Variants in CDH11 observed in about 807,000 individuals in gnomAD.
CDH11 encodes the protein cadherin 11, also known as cadherin-11.
CDH11 carries 11 observed loss-of-function variants against 67.8 expected under a neutral mutation model. That is an observed-to-expected ratio of 0.16 (90% CI 0.10 to 0.27). The LOEUF (loss-of-function observed/expected upper bound fraction) is 0.27, where lower values mean the gene tolerates loss of function less well. Ranked by LOEUF, CDH11 falls within the 10% of genes least tolerant of loss-of-function variation. The pLI, the probability that CDH11 is intolerant of heterozygous loss-of-function variation, is 1.00. For synonymous variants in CDH11, 419 were observed against 400.0 expected, an observed-to-expected ratio of 1.05 and a Z score of -0.57; for missense variants, 847 against 1,031.2, an observed-to-expected ratio of 0.82 and a Z score of 2.45.
At position 64,998,797 on chromosome 16, in the gene CDH11, T is replaced by C; in HGVS notation, c.288A>G (p.Gly96=). The part of the protein sequence containing the change: ...GNIKYILSGE[G]AGTIFVIDDK... ...CATCAATCACAAAAATGGTTCCAGC[T>C]CCTTCCCCTGAGAGAATGTATTTAA... Residue 96 remains glycine, a synonymous_variant, in exon 4 of 13, where the codon GGA becomes GGG. Coordinates refer to ENST00000268603, the MANE Select transcript of CDH11 (RefSeq NM_001797.4). 5.6e-6 allele frequency: 9 copies of C among 1,614,112 alleles called. No individual in the cohort carries two copies. The highest frequency in any genetic ancestry group is 7.6e-6 in the Non-Finnish European group (9 of 1,179,982).
At chr16:65,106,122 A>T (rs1224871937) in intron 1 of CDH11, among the ~76,000 whole-genome samples, 1 of 152,206 alleles carries the variant, frequency 6.6e-6, no homozygotes, top group Non-Finnish European at 1.5e-5. Context: ...CTCTGGGTCA[A>T]GTCAGTGTGA....
At position 64,943,877 on chromosome 16, in the gene CDH11, T is replaced by C. The variant is rs182763322; in HGVS notation, c.*3726A>G. On this transcript the variant is annotated 3_prime_UTR_variant, in exon 13 of 13. Transcript: ENST00000268603. ...TGCCCTCATGGAGCTTACATTCTAGTGGGGCAGTCAGTCCCACCCACCCAC... is the reference window on the plus strand; with the variant it reads ...TGCCCTCATGGAGCTTACATTCTAGCGGGGCAGTCAGTCCCACCCACCCAC... 3 of 228,722 alleles carry C rather than the reference T, an allele frequency of 1.3e-5. No homozygotes were observed. Among genetic ancestry groups the C allele is most frequent in the African/African-American group, 6.6e-5 (3 of 45,198 alleles). 14.2% of individuals were successfully genotyped at this position (228,722 alleles called of 1,614,324 possible).
chr16:65,061,672 G>A (rs2074237508), intron 1 of CDH11, among the ~76,000 whole-genome samples: 1 of 152,188 alleles, frequency 6.6e-6, no homozygotes, highest in Non-Finnish European at 1.5e-5. Context: ...GCCAAATGAA[G>A]CATTTAATCA....
intron 1 of CDH11, among the ~76,000 whole-genome samples, chr16:65,097,273 G>T (rs1012210022): frequency 6.6e-6 from 1 of 152,202 alleles, no homozygotes; most frequent in African/African-American, 2.4e-5. Context: ...TTCCCAACTG[G>T]GTCATGCTGG....
At chr16:64,984,946 T>C (rs1567508946) in intron 7 of CDH11, 1 of 152,140 alleles carries the variant, frequency 6.6e-6, no homozygotes, top group African/African-American at 2.4e-5. Context: ...ACAGGGAATA[T>C]TAAAAATGCC....
intron 3 of CDH11, among the ~76,000 whole-genome samples, chr16:65,002,914 T>C (rs1215878912): frequency 6.6e-6 from 1 of 151,804 alleles, no homozygotes; most frequent in Non-Finnish European, 1.5e-5. Context: ...TATTCTATTA[T>C]TCATTTTCTT....
chr16:64,983,446 A>G (rs2072407336), intron 7 of CDH11, among the ~76,000 whole-genome samples: 2 of 152,180 alleles, frequency 1.3e-5, no homozygotes, highest in Non-Finnish European at 1.5e-5. Flanking sequence ...AAAGAGTTTC[A>G]TCTTTTAAGG....
chr16:65,033,395 A>C (rs1256590402), intron 2 of CDH11, among the ~76,000 whole-genome samples: 1 of 152,198 alleles, frequency 6.6e-6, no homozygotes, highest in Non-Finnish European at 1.5e-5. Flanking sequence ...AGAATGATGA[A>C]GCTACATTCA....
intron 2 of CDH11, among the ~76,000 whole-genome samples, chr16:65,015,684 G>A (rs932979246): frequency 1.3e-4 from 20 of 152,138 alleles, no homozygotes; most frequent in African/African-American, 1.9e-4. Flanking sequence ...TTAAAGATTT[G>A]CAGTGGAGAA....
chr16:65,120,116 G>C (rs1334654785), intron 1 of CDH11, among the ~76,000 whole-genome samples: 1 of 152,150 alleles, frequency 6.6e-6, no homozygotes, highest in Non-Finnish European at 1.5e-5. Context: ...TGCAGCTAGG[G>C]TTGGGCAGTT....
intron 12 of CDH11, chr16:64,948,474 G>C: frequency 3.9e-6 from 3 of 776,710 alleles, no homozygotes; most frequent in Non-Finnish European, 6.6e-6. Flanking sequence ...AAGGAAGGTA[G>C]CTGTTTTTCC....
intron 4 of CDH11, among the ~76,000 whole-genome samples, chr16:64,996,166 G>A (rs1364273371): frequency 3.3e-5 from 5 of 152,122 alleles, no homozygotes; most frequent in Admixed American, 3.3e-4. Context: ...ACTCTGAAAA[G>A]CAATTTGGAG....
chr16:65,020,407 G>A (rs1048764221), intron 2 of CDH11, among the ~76,000 whole-genome samples: 2 of 152,140 alleles, frequency 1.3e-5, no homozygotes, highest in African/African-American at 4.8e-5. Flanking sequence ...TCAGCTCACT[G>A]CAACCTCCGC....
intron 3 of CDH11, among the ~76,000 whole-genome samples, chr16:65,003,653 T>C (rs1415840084): frequency 6.6e-6 from 1 of 152,152 alleles, no homozygotes; most frequent in Non-Finnish European, 1.5e-5. Flanking sequence ...CAAACTCTCT[T>C]GAATTTGTAT....
Position 65,004,692 on chromosome 16 carries a change from A to G in CDH11, c.178T>C (p.Phe60Leu). ...RSKRGWVWNQ[F>L]FVIEEYTGPD... is the part of the protein sequence containing the mutation. Reference sequence around the variant, plus strand: ...CCGGTGTACTCCTCTATCACGAAGAACTGGTTCCAGACCCAGCCACGCTTG... The same window carrying G: ...CCGGTGTACTCCTCTATCACGAAGAGCTGGTTCCAGACCCAGCCACGCTTG... Residue 60 changes from phenylalanine to leucine, a missense_variant, in exon 3 of 13, where the codon TTC (phenylalanine) becomes CTC (leucine). Phe to Leu is a conservative substitution (Grantham distance 22). Transcript: ENST00000268603. The G allele has an allele frequency of 6.2e-7, 1 of 1,613,818 alleles. No homozygotes were observed.
chr16:64,964,034 A>C (rs1479575321), intron 11 of CDH11, among the ~76,000 whole-genome samples: 1 of 152,258 alleles, frequency 6.6e-6, no homozygotes, highest in Non-Finnish European at 1.5e-5. Flanking sequence ...AGAAGGAATA[A>C]GTGATGAAGA....
intron 1 of CDH11, 34 bp from the exon 2 acceptor site, chr16:65,053,962 T>C (rs1332026831): frequency 4.4e-6 from 2 of 455,530 alleles, no homozygotes; most frequent in African/African-American, 4.0e-5. Flanking sequence ...AGTAACCTAG[T>C]GGTGCCATGA....
intron 10 of CDH11, 104 bp from the exon 11 acceptor site, chr16:64,971,800 T>A (rs1597033774): frequency 1.4e-6 from 2 of 1,391,816 alleles, no homozygotes; most frequent in East Asian, 4.6e-5. Flanking sequence ...TTAGAGAACA[T>A]AACTTCAGAA....
intron 1 of CDH11, among the ~76,000 whole-genome samples, chr16:65,097,820 T>C (rs555122170): frequency 2.0e-5 from 3 of 152,152 alleles, no homozygotes; most frequent in East Asian, 1.9e-4. Flanking sequence ...GGACTTTTGA[T>C]CAGAAAAGTT....
Sources: allele counts gnomAD v4.1 joint callset (sites outside exome capture counted in the v4.1 genomes callset), GRCh38; gene constraint gnomAD v4.1.1; transcripts MANE v1.5; gene names NCBI Gene and HGNC (gene_info 2026-07-23, HGNC 2026-07-21).